Variants in GIGYF2 observed in about 807,000 individuals in gnomAD.
The protein encoded by GIGYF2 is GRB10 interacting GYF protein 2.
A neutral mutation model predicts 208.1 loss-of-function variants in GIGYF2; 25 were observed. The ratio of observed to expected loss-of-function variants is 0.12; its 90% CI spans 0.09 to 0.17. The LOEUF (loss-of-function observed/expected upper bound fraction) is 0.17. GIGYF2 is among the 10% of genes least tolerant of loss of function. The pLI, the probability that GIGYF2 is intolerant of heterozygous loss-of-function variation, is 1.00. For synonymous variants in GIGYF2, 534 were observed against 543.8 expected (o/e 0.98, Z 0.25); for missense variants, 1,302 against 1,579.4 (o/e 0.82, Z 2.98).
At chr2:232,732,217 T>C (rs1007259213) in intron 2 of GIGYF2, among the ~76,000 whole-genome samples, 1 of 152,230 alleles carries the variant, frequency 6.6e-6, no homozygotes, top group Non-Finnish European at 1.5e-5. Context: ...ATTTAATTTT[T>C]AATCCCTTTT....
rs374022585 is a variant in GIGYF2, at chr2:232,856,460, C to T, written c.3833-333C>T. 8.6e-5 allele frequency among the ~76,000 whole-genome samples: 13 copies of T among 152,042 alleles called. No individual in the cohort carries two copies. The East Asian group carries it at 2.0e-3, about 23-fold the overall frequency. On this transcript the variant is annotated intron_variant, in intron 28 of 28. Transcript: ENST00000373563. ...ATCCCAGCAATTTGGGAGGCCGAGG[C>T]GGGCGGATCATTTGAGGTCAGGAGT...
intron 3 of GIGYF2, among the ~76,000 whole-genome samples, chr2:232,737,351 G>A (rs1254951830): frequency 1.3e-5 from 2 of 152,170 alleles, no homozygotes; most frequent in Non-Finnish European, 2.9e-5. Flanking sequence ...TAAACAGAGG[G>A]CAATCACCAT....
intron 8 of GIGYF2, chr2:232,761,638 T>C (rs1698743627): frequency 2.3e-6 from 1 of 429,590 alleles, no homozygotes; most frequent in South Asian, 3.3e-5. Context: ...CTGCAAGGCA[T>C]ATATTCTTTA....
rs777355917 is a variant in GIGYF2, at chr2:232,790,996, C to T, written c.931-12C>T. On this transcript the variant is annotated splice_polypyrimidine_tract_variant and intron_variant, in intron 10 of 28. Transcript: ENST00000373563. The stretch of plus-strand genomic sequence containing the variant: ...TCTGCTGTTGATCTTTGGTTTTATT[C>T]TCTTTCTACAGAAAGTACAGAAAGA... 2 of 1,613,800 alleles carry T rather than the reference C, an allele frequency of 1.2e-6. No homozygotes were observed.
intron 8 of GIGYF2, among the ~76,000 whole-genome samples, chr2:232,786,323 C>T (rs1045560392): frequency 6.6e-6 from 1 of 152,268 alleles, no homozygotes; most frequent in African/African-American, 2.4e-5. Context: ...CCGCGACCTC[C>T]GCCTCCTGGG....
intron 8 of GIGYF2, chr2:232,768,185 TAA>T: frequency 2.5e-6 from 4 of 1,613,892 alleles, no homozygotes; most frequent in Non-Finnish European, 3.4e-6. Flanking sequence ...AAAAAATGGA[TAA>T]GTCTTATTCT....
chr2:232,845,834 G>A lies in GIGYF2; in HGVS notation c.3408G>A (p.Thr1136=), dbSNP rs138253996. 85 of 1,613,446 alleles carry A rather than the reference G, an allele frequency of 5.3e-5. 1 individual carries two copies. The Admixed American group carries it at 8.2e-4, about 15-fold the overall frequency. Residue 1136 remains threonine, a synonymous_variant, in exon 26 of 29, where the codon ACG becomes ACA. Coordinates refer to ENST00000373563, the MANE Select transcript of GIGYF2 (RefSeq NM_001103146.3). ...QGVNKAQDGF[T]QWCEQMLHAL... ...TAAATAAAGCCCAAGATGGATTTACGCAGTGGTGTGAACAGATGCTTCATG... is the reference window on the plus strand; with the variant it reads ...TAAATAAAGCCCAAGATGGATTTACACAGTGGTGTGAACAGATGCTTCATG...
At chr2:232,755,682 C>T (rs1299981206) in intron 5 of GIGYF2, among the ~76,000 whole-genome samples, 1 of 152,186 alleles carries the variant, frequency 6.6e-6, no homozygotes. Flanking sequence ...TAGATGGTTG[C>T]TCTTGTTTAG....
chr2:232,849,910 G>C (rs573660047), intron 27 of GIGYF2, among the ~76,000 whole-genome samples: 7 of 152,320 alleles, frequency 4.6e-5, no homozygotes, highest in African/African-American at 1.7e-4. Context: ...GGTTAGGTGA[G>C]AGGTGCAGTG....
chr2:232,735,146 C>T lies in GIGYF2; in HGVS notation c.-43-9C>T, dbSNP rs1574818656. 4.1e-6 allele frequency: 5 copies of T among 1,219,106 alleles called. No homozygotes were observed. Among genetic ancestry groups the T allele is most frequent in the East Asian group, 4.7e-5 (2 of 42,928 alleles). 75.5% of individuals were successfully genotyped at this position (1,219,106 alleles called of 1,614,324 possible). A position where few individuals can be genotyped will look rare whatever the true frequency, so the allele number is the denominator to read the frequency against. On this transcript the variant is annotated splice_polypyrimidine_tract_variant and intron_variant, in intron 2 of 28. Transcript: ENST00000373563. ...ACTAATAGTATGGAGATATTTTTCT[C>T]GTTAACAGGTTTCTTCACATATAAA...
Position 232,844,260 on chromosome 2 carries a change from GT to G in GIGYF2, c.3099+6del, listed in dbSNP as rs1215894799. On this transcript the variant is annotated splice_donor_region_variant and intron_variant, in intron 24 of 28. Transcript: ENST00000373563. ...AACAGAGCTCGTAACAATACGGTGT[GT>G]GCATTTTCCTAAGCTGTCGTTGTAT... is the stretch of plus-strand genomic sequence containing the variant. 18 of 1,591,138 alleles carry G rather than the reference GT, an allele frequency of 1.1e-5. No homozygotes were observed. Among genetic ancestry groups the G allele is most frequent in the Admixed American group, 1.8e-5 (1 of 55,770 alleles).
At chr2:232,755,504 G>A (rs767947518) in intron 5 of GIGYF2, among the ~76,000 whole-genome samples, 1 of 152,138 alleles carries the variant, frequency 6.6e-6, no homozygotes, top group African/African-American at 2.4e-5. Context: ...TTTTCTCTCT[G>A]CCAGGAGAAC....
At chr2:232,698,358 G>T (rs1158581059) in intron 1 of GIGYF2, 2 of 152,216 alleles carry the variant, frequency 1.3e-5, no homozygotes, top group East Asian at 3.8e-4. Context: ...GCTAGAAGCT[G>T]TGAACAGCTT....
Position 232,791,012 on chromosome 2 carries a change from T to A in GIGYF2, c.935T>A (p.Val312Glu). 6.2e-7 allele frequency: 1 copy of A among 1,613,914 alleles called. No homozygotes were observed. Among genetic ancestry groups the A allele is most frequent in the Non-Finnish European group, 8.5e-7 (1 of 1,179,932 alleles). ...GGTTTTATTCTCTTTCTACAGAAAG[T>A]ACAGAAAGAGCCTATTCCAGAAGAG... ...SSGAFLSLKK[V>E]QKEPIPEEQE... is the part of the protein sequence containing the mutation. The change falls in exon 11 of 29, where the codon GTA becomes GAA. Residue 312 changes from valine (V) to glutamate (E), a missense_variant. By Grantham distance (121) the Val-to-Glu change is moderately radical. Around this residue, in one of 8 missense-constraint regions of GIGYF2, gnomAD observed 235 missense variants for 218.8 expected, o/e 1.07. Transcript: ENST00000373563.
rs1190062850 is a variant in GIGYF2, at chr2:232,711,707, A to ATATATATATATATATATATG, written c.-44+8237_-44+8238insGTATATATATATATATATAT. Reference sequence around the variant, plus strand: ...AGGAAAATTATCCTCACAATGATGTATATATATATATATATATATAGTTGT... The same window carrying ATATATATATATATATATATG: ...AGGAAAATTATCCTCACAATGATGTATATATATATATATATATATGTATATATATATATATATATAGTTGT... On this transcript the variant is annotated intron_variant, in intron 2 of 28. Coordinates refer to ENST00000373563, the MANE Select transcript of GIGYF2 (RefSeq NM_001103146.3). Among the ~76,000 whole-genome samples, 89 of 134,338 alleles carry ATATATATATATATATATATG rather than the reference A, an allele frequency of 6.6e-4. 2 individuals are homozygous for ATATATATATATATATATATG. Among genetic ancestry groups the ATATATATATATATATATATG allele is most frequent in the African/African-American group, 2.2e-3 (70 of 31,908 alleles). The allele number at this position is 134,338 out of a possible 152,430, so 88.1% of individuals were successfully genotyped here.
intron 1 of GIGYF2, among the ~76,000 whole-genome samples, chr2:232,697,849 G>C (rs1224179480): frequency 6.6e-6 from 1 of 152,240 alleles, no homozygotes; most frequent in Non-Finnish European, 1.5e-5. Flanking sequence ...CCAGACAGCT[G>C]CTCCTGCCGG....
chr2:232,782,391 T>C (rs945378066), intron 8 of GIGYF2, among the ~76,000 whole-genome samples: 4 of 152,138 alleles, frequency 2.6e-5, no homozygotes, highest in African/African-American at 4.8e-5. Context: ...GGAAAATATT[T>C]AGTAGTAGTC....
intron 2 of GIGYF2, among the ~76,000 whole-genome samples, chr2:232,727,800 GTCTT>G (rs1468521553): frequency 3.9e-5 from 6 of 152,166 alleles, no homozygotes; most frequent in African/African-American, 1.4e-4. Context: ...CGTTAAATCT[GTCTT>G]TCTATTCTGA....
At chr2:232,742,808 T>C (rs1698019500) in intron 3 of GIGYF2, among the ~76,000 whole-genome samples, 1 of 152,188 alleles carries the variant, frequency 6.6e-6, no homozygotes, top group Non-Finnish European at 1.5e-5. Flanking sequence ...TAGATTGGGA[T>C]GTCCTTAACT....
Sources: gnomAD v4.1 joint callset for allele counts (sites outside exome capture counted in the v4.1 genomes callset) on GRCh38, gnomAD v4.1.1 for gene constraint, gnomAD v4.1.1 regional missense constraint, MANE v1.5 for transcripts, NCBI Gene and HGNC (gene_info 2026-07-23, HGNC 2026-07-21) for gene names.